Variants in GRB14 observed in about 807,000 individuals in gnomAD.
The protein encoded by GRB14 is growth factor receptor bound protein 14.
In GRB14, 38 loss-of-function variants were observed where a neutral mutation model predicts 69.1. The ratio of observed to expected loss-of-function variants is 0.55; its 90% confidence interval spans 0.42 to 0.72. GRB14 has a LOEUF of 0.72. Among genes scored for constraint, GRB14 ranks in the 30% least tolerant of loss-of-function variants. The probability of loss-of-function intolerance (pLI) is 0.00; values close to 1 mark genes in which losing one functional copy is unlikely to be tolerated. For synonymous variants in GRB14, 247 were observed against 241.3 expected (o/e 1.02, Z -0.22); for missense variants, 666 against 666.1 (o/e 1.00, Z 0.00).
At chr2:164,601,119 T>C (rs968356242) in intron 2 of GRB14, among the ~76,000 whole-genome samples, 1 of 152,214 alleles carries the variant, frequency 6.6e-6, no homozygotes, top group Non-Finnish European at 1.5e-5. Flanking sequence ...TGAAAGTTAA[T>C]TTTAACACCC....
intron 2 of GRB14, among the ~76,000 whole-genome samples, chr2:164,550,998 C>A (rs975770896): frequency 3.3e-5 from 5 of 152,118 alleles, no homozygotes; most frequent in Non-Finnish European, 7.4e-5. Flanking sequence ...CTGGAACTGG[C>A]TTGCAAGAGC....
intron 1 of GRB14, chr2:164,620,073 A>ACC (rs1558888515): frequency 3.9e-4 from 17 of 43,854 alleles, no homozygotes; most frequent in Admixed American, 9.0e-4. Context: ...CCCTCCCACC[A>ACC]CCCCTCCCCC....
intron 2 of GRB14, among the ~76,000 whole-genome samples, chr2:164,566,143 A>C: frequency 6.6e-6 from 1 of 152,192 alleles, no homozygotes. Flanking sequence ...AAATTCTCTG[A>C]GAAATGCTTG....
chr2:164,502,422 T>C (rs1469567195), intron 8 of GRB14, 87 bp from the exon 9 acceptor site: 2 of 779,554 alleles, frequency 2.6e-6, no homozygotes, highest in Non-Finnish European at 4.2e-6. Flanking sequence ...AATTATACAA[T>C]ATAAATATAA....
Position 164,621,454 on chromosome 2 carries a change from C to T in GRB14, c.-145G>A, listed in dbSNP as rs1216942970. The T allele has an allele frequency of 7.0e-6, 2 of 287,060 alleles. No individual in the cohort carries two copies. The highest frequency in any genetic ancestry group is 1.0e-5 in the Non-Finnish European group (2 of 193,314). 17.8% of individuals were successfully genotyped at this position (287,060 alleles called of 1,614,324 possible). On this transcript the variant is annotated 5_prime_UTR_variant, in exon 1 of 14. Transcript: ENST00000263915. The surrounding 1 kb of genome is among the most constrained non-coding windows in gnomAD (Gnocchi z 6.0). ...TCGCCGCCTGCGCTCGGGGCCCCGGCGGCTGAGACGCGCGGCCGAGCTATC... is the reference window on the plus strand; with the variant it reads ...TCGCCGCCTGCGCTCGGGGCCCCGGTGGCTGAGACGCGCGGCCGAGCTATC...
chr2:164,568,688 A>G (rs1390704498), intron 2 of GRB14, among the ~76,000 whole-genome samples: 1 of 152,326 alleles, frequency 6.6e-6, no homozygotes, highest in East Asian at 1.9e-4. Flanking sequence ...CTTTTTTTCC[A>G]AAACAGTGCA....
At chr2:164,508,878 A>T in intron 6 of GRB14, 26 bp from the exon 7 acceptor site, 1 of 1,449,080 alleles carries the variant, frequency 6.9e-7, no homozygotes, top group Non-Finnish European at 9.4e-7. Context: ...ATTGACATGG[A>T]TACATATTTT....
intron 2 of GRB14, among the ~76,000 whole-genome samples, chr2:164,585,085 CTTTTTTTTTTTTTTTTTTTTTTTTTT>C (rs146962375): frequency 3.7e-5 from 2 of 54,344 alleles, no homozygotes; most frequent in South Asian, 1.4e-3. Flanking sequence ...CCATGCCTGG[CTTTTTTTTTTTTTTTTTTTTTTTTTT>C]TTTTTTTTTT....
At chr2:164,541,986 A>G (rs914482208) in intron 3 of GRB14, among the ~76,000 whole-genome samples, 3 of 152,196 alleles carry the variant, frequency 2.0e-5, no homozygotes, top group East Asian at 3.8e-4. Flanking sequence ...TCCTGAGCAA[A>G]GAAACAAAGC....
chr2:164,494,341 C>A (rs886293509), intron 13 of GRB14, 90 bp downstream of exon 13: 26 of 711,150 alleles, frequency 3.7e-5, no homozygotes, highest in South Asian at 3.6e-4. Flanking sequence ...AAAAGAAAAC[C>A]AAAGTTTCCA....
intron 9 of GRB14, among the ~76,000 whole-genome samples, chr2:164,499,879 C>G (rs1687003617): frequency 6.6e-6 from 1 of 152,140 alleles, no homozygotes. Context: ...TTGCTTTATA[C>G]AAAGCTACAG....
intron 3 of GRB14, among the ~76,000 whole-genome samples, chr2:164,537,504 A>G (rs1688108830): frequency 6.6e-6 from 1 of 152,162 alleles, no homozygotes; most frequent in Admixed American, 6.5e-5. Context: ...TGAAGGGCAG[A>G]CAGGTCACAA....
chr2:164,582,023 A>G (rs961005946), intron 2 of GRB14, among the ~76,000 whole-genome samples: 1 of 152,208 alleles, frequency 6.6e-6, no homozygotes, highest in African/African-American at 2.4e-5. Context: ...TTCAGACCCA[A>G]GACTTCAATT....
At chr2:164,618,665 T>C (rs1342844160) in intron 2 of GRB14, among the ~76,000 whole-genome samples, 1 of 152,224 alleles carries the variant, frequency 6.6e-6, no homozygotes, top group African/African-American at 2.4e-5. Flanking sequence ...CTACTGTCTC[T>C]ATCATTTCTG....
At chr2:164,577,371 G>T (rs1689277211) in intron 2 of GRB14, among the ~76,000 whole-genome samples, 1 of 152,184 alleles carries the variant, frequency 6.6e-6, no homozygotes, top group Non-Finnish European at 1.5e-5. Context: ...ATACCCAATG[G>T]TTGGGGAGGG....
intron 2 of GRB14, among the ~76,000 whole-genome samples, chr2:164,594,506 T>C (rs559613612): frequency 1.3e-5 from 2 of 152,330 alleles, no homozygotes; most frequent in East Asian, 3.9e-4. Context: ...GGCCTCTTCC[T>C]CCAGGATGCT....
chr2:164,499,963 G>A (rs990161403), intron 9 of GRB14, among the ~76,000 whole-genome samples: 1 of 152,120 alleles, frequency 6.6e-6, no homozygotes, highest in African/African-American at 2.4e-5. Flanking sequence ...CCAGTGACTT[G>A]ACCAAAGTCA....
At chr2:164,575,087 T>C (rs1574324438) in intron 2 of GRB14, among the ~76,000 whole-genome samples, 1 of 152,126 alleles carries the variant, frequency 6.6e-6, no homozygotes, top group South Asian at 2.1e-4. Flanking sequence ...CAGTCTGTTG[T>C]CAAATCTCTC....
At chr2:164,607,511 AG>A (rs1387391067) in intron 2 of GRB14, among the ~76,000 whole-genome samples, 1 of 152,240 alleles carries the variant, frequency 6.6e-6, no homozygotes, top group Non-Finnish European at 1.5e-5. Context: ...AATCTGAGCG[AG>A]GGAGAAGAGG....
Sources: gnomAD v4.1 joint callset for allele counts (sites outside exome capture counted in the v4.1 genomes callset) on GRCh38, gnomAD v4.1.1 for gene constraint, Gnocchi (gnomAD v3.1) non-coding constraint, MANE v1.5 for transcripts, NCBI Gene and HGNC (gene_info 2026-07-23, HGNC 2026-07-21) for gene names.